The following HSPA12B variants were observed in gnomAD, a reference collection of about 807,000 sequenced individuals.
The protein encoded by HSPA12B is heat shock protein family A (Hsp70) member 12B.
HSPA12B carries 54 observed loss-of-function variants against 69.3 expected under a neutral mutation model. The ratio of observed to expected loss-of-function variants is 0.78; its 90% CI spans 0.63 to 0.98. The LOEUF (loss-of-function observed/expected upper bound fraction) is 0.98. HSPA12B is among the 50% of genes least tolerant of loss of function. The pLI is 0.00. For missense variants in HSPA12B, 929 were observed against 999.8 expected (o/e 0.93, Z 0.96); for synonymous variants, 441 against 436.5 (o/e 1.01, Z -0.13).
Position 3,752,232 on chromosome 20 carries a change from G to T in HSPA12B, c.*66G>T. ...GCCCTCTTTCGGTTCAGGGGCCTGC[G>T]GAGCGGGTTGGGGCGGGGGAAACGA... On this transcript the variant is annotated 3_prime_UTR_variant, in exon 13 of 13. Transcript: ENST00000254963. 7.3e-7 allele frequency: 1 copy of T among 1,369,124 alleles called. No individual in the cohort carries two copies. Among genetic ancestry groups the T allele is most frequent in the Middle Eastern group, 2.2e-4 (1 of 4,564 alleles). The allele number at this position is 1,369,124 out of a possible 1,614,324, so 84.8% of individuals were successfully genotyped here. A position where few individuals can be genotyped will look rare whatever the true frequency, so the allele number is the denominator to read the frequency against.
Position 3,749,950 on chromosome 20 carries a change from G to GC in HSPA12B, c.1043-14dup. ...CCCGGCGAGCGCTGACGCCCTCTTC[G>GC]CCCCCTGCTCCACCCCAGGGGGCCC... On this transcript the variant is annotated intron_variant, in intron 10 of 12. Transcript: ENST00000254963. The surrounding 1 kb of genome is among the most constrained non-coding windows in gnomAD (Gnocchi z 5.5). 1 of 1,549,968 alleles carries GC rather than the reference G, an allele frequency of 6.5e-7. No homozygotes were observed. Among genetic ancestry groups the GC allele is most frequent in the Non-Finnish European group, 8.7e-7 (1 of 1,144,800 alleles).
At chr20:3,739,171 G>A (rs1420046521) in intron 2 of HSPA12B, among the ~76,000 whole-genome samples, 1 of 151,984 alleles carries the variant, frequency 6.6e-6, no homozygotes, top group Non-Finnish European at 1.5e-5. Flanking sequence ...AGTATAGTCT[G>A]CAGGTGGGCA....
rs1228750144 is a variant in HSPA12B at position 3,737,191 on chromosome 20, G to A, written c.-17-1467G>A. 1.3e-5 allele frequency among the ~76,000 whole-genome samples: 2 copies of A among 152,234 alleles called. No homozygotes were observed. The highest frequency in any genetic ancestry group is 2.9e-5 in the Non-Finnish European group (2 of 68,046). ...CAAGCTTCCAGGTGATACCAATGCT[G>A]CTGATCCTCAGCCCACACTTTGAGT... On this transcript the variant is annotated intron_variant, in intron 1 of 12. Coordinates refer to ENST00000254963, the MANE Select transcript of HSPA12B (RefSeq NM_052970.5). The surrounding 1 kb of genome is among the most constrained non-coding windows in gnomAD (Gnocchi z 4.1).
Position 3,744,817 on chromosome 20 carries a change from T to C in HSPA12B, c.267-85T>C. 5.3e-6 allele frequency: 7 copies of C among 1,309,418 alleles called. No individual in the cohort carries two copies. The highest frequency in any genetic ancestry group is 7.5e-6 in the Non-Finnish European group (7 of 937,138). 81.1% of individuals were successfully genotyped at this position (1,309,418 alleles called of 1,614,324 possible). A position where few individuals can be genotyped will look rare whatever the true frequency, so the allele number is the denominator to read the frequency against. ...CTAGTTCTCCCTGCTCTTTCACATC[T>C]GTAAGTTTTTGCACATGCTGTTCCC... On this transcript the variant is annotated intron_variant, in intron 4 of 12. Transcript: ENST00000254963. This position sits in a 1 kb window ranked among gnomAD's most constrained non-coding sequence, Gnocchi z 4.9.
Position 3,745,864 on chromosome 20 carries a change from A to G in HSPA12B, c.559-51A>G. The G allele has an allele frequency of 2.0e-6, 3 of 1,492,664 alleles. No homozygotes were observed. The highest frequency in any genetic ancestry group is 2.8e-6 in the Non-Finnish European group (3 of 1,069,628). 92.5% of individuals were successfully genotyped at this position (1,492,664 alleles called of 1,614,324 possible). A position where few individuals can be genotyped will look rare whatever the true frequency, so the allele number is the denominator to read the frequency against. On this transcript the variant is annotated intron_variant, in intron 6 of 12. Coordinates refer to ENST00000254963, the MANE Select transcript of HSPA12B (RefSeq NM_052970.5). This position sits in a 1 kb window ranked among gnomAD's most constrained non-coding sequence, Gnocchi z 5.6. ...CCTCCAGTTCCGCAGAGGGCTGAAG[A>G]CCACCCTCCCTCCAAGCCAGCTTTC...
At chr20:3,743,288 A>G (rs2146570133) in intron 4 of HSPA12B, among the ~76,000 whole-genome samples, 1 of 151,086 alleles carries the variant, frequency 6.6e-6, no homozygotes, top group East Asian at 2.0e-4. Context: ...GGCTCAAGCA[A>G]TCCTCCCACT....
In HSPA12B at chr20:3,750,795, C is replaced by T; in HGVS notation, c.1302-9C>T. The T allele has an allele frequency of 6.2e-7, 1 of 1,613,752 alleles. No individual in the cohort carries two copies. The highest frequency in any genetic ancestry group is 8.5e-7 in the Non-Finnish European group (1 of 1,179,966). On this transcript the variant is annotated splice_polypyrimidine_tract_variant and intron_variant, in intron 11 of 12. Transcript: ENST00000254963. ...ACCGATGGATATTTGCCCCTTTCACCACCAACAGCGTGAACTTCGTGAAGT... is the reference window on the plus strand; with the variant it reads ...ACCGATGGATATTTGCCCCTTTCACTACCAACAGCGTGAACTTCGTGAAGT...
Position 3,744,794 on chromosome 20 carries a change from A to G in HSPA12B, c.267-108A>G. On this transcript the variant is annotated intron_variant, in intron 4 of 12. Coordinates refer to ENST00000254963, the MANE Select transcript of HSPA12B (RefSeq NM_052970.5). This position sits in a 1 kb window ranked among gnomAD's most constrained non-coding sequence, Gnocchi z 4.9. Reference sequence around the variant, plus strand: ...CTGCCTATGGAGCCGACCCATAGCTAGTTCTCCCTGCTCTTTCACATCTGT... The same window carrying G: ...CTGCCTATGGAGCCGACCCATAGCTGGTTCTCCCTGCTCTTTCACATCTGT... 9.9e-7 allele frequency: 1 copy of G among 1,007,916 alleles called. No homozygotes were observed. The highest frequency in any genetic ancestry group is 2.4e-5 in the East Asian group (1 of 41,174). The allele number at this position is 1,007,916 out of a possible 1,614,324, so 62.4% of individuals were successfully genotyped here. A position where few individuals can be genotyped will look rare whatever the true frequency, so the allele number is the denominator to read the frequency against.
intron 1 of HSPA12B, among the ~76,000 whole-genome samples, chr20:3,735,190 G>A (rs774839789): frequency 2.6e-4 from 39 of 152,164 alleles, no homozygotes; most frequent in Non-Finnish European, 5.1e-4. Flanking sequence ...CCAACTCCCT[G>A]CTTTTATCAA....
At chr20:3,738,875 G>C (rs566954360) in intron 2 of HSPA12B, among the ~76,000 whole-genome samples, 158 bp downstream of exon 2, 2 of 152,264 alleles carry the variant, frequency 1.3e-5, no homozygotes, top group East Asian at 3.9e-4. Context: ...TGCAGGGCAG[G>C]TCTGTGTTTA....
In HSPA12B at chr20:3,745,896, C is replaced by T. The variant is rs1484410483; in HGVS notation, c.559-19C>T. On this transcript the variant is annotated intron_variant, in intron 6 of 12. Transcript: ENST00000254963. The surrounding 1 kb of genome is among the most constrained non-coding windows in gnomAD (Gnocchi z 5.6). ...TCCCTCCAAGCCAGCTTTCCTCTCA[C>T]TGCCCCCTCCTGTACCAGGAGCTGA... is the stretch of plus-strand genomic sequence containing the variant. The T allele has an allele frequency of 2.5e-6, 4 of 1,607,398 alleles. No homozygotes were observed. Among genetic ancestry groups the T allele is most frequent in the African/African-American group, 2.7e-5 (2 of 74,820 alleles).
At chr20:3,750,998 A>ACATC (rs1219949132) in intron 12 of HSPA12B, 91 bp downstream of exon 12, 1 of 1,057,844 alleles carries the variant, frequency 9.5e-7, no homozygotes, top group African/African-American at 1.6e-5. Flanking sequence ...ATACCTCCAC[A>ACATC]CATCCATACA....
Position 3,738,699 on chromosome 20 carries a change from C to G in HSPA12B, c.25C>G (p.Leu9Val). The change falls in exon 2 of 13, where the codon CTG becomes GTG. Residue 9 changes from leucine (L) to valine (V), a missense_variant. Coordinates refer to ENST00000254963, the MANE Select transcript of HSPA12B (RefSeq NM_052970.5). ...GATGTTGGCTGTCCCGGAGATGGGC[C>G]TGCAGGGGCTGTACATCGGTAAGAA... MLAVPEMG[L>V]QGLYIGSSPE... The G allele has an allele frequency of 6.2e-7, 1 of 1,614,178 alleles. No homozygotes were observed. The highest frequency in any genetic ancestry group is 8.5e-7 in the Non-Finnish European group (1 of 1,180,030).
At position 3,750,819 on chromosome 20, in the gene HSPA12B, G is replaced by C. The variant is rs138277711; in HGVS notation, c.1317G>C (p.Lys439Asn). The part of the protein sequence containing the change: ...ALRRSSVNFV[K>N]WSSQGMLRMS... ...CCACCAACAGCGTGAACTTCGTGAA[G>C]TGGTCCTCACAGGGGATGCTCCGAA... Residue 439 changes from lysine to asparagine, a missense_variant, in exon 12 of 13, where the codon AAG becomes AAC. This residue lies in a region of HSPA12B where 448 missense variants were observed against 448.1 expected (regional missense o/e 1.00). Coordinates refer to ENST00000254963, the MANE Select transcript of HSPA12B (RefSeq NM_052970.5). 2.8e-5 allele frequency: 45 copies of C among 1,613,812 alleles called. No individual in the cohort carries two copies. The highest frequency in any genetic ancestry group is 3.6e-5 in the Non-Finnish European group (42 of 1,180,044).
chr20:3,749,377 TG>T lies in HSPA12B; in HGVS notation c.937+65del, dbSNP rs1383193851. The T allele has an allele frequency of 2.1e-6, 3 of 1,446,954 alleles. No homozygotes were observed. The highest frequency in any genetic ancestry group is 1.4e-5 in the African/African-American group (1 of 71,506). 89.6% of individuals were successfully genotyped at this position (1,446,954 alleles called of 1,614,324 possible). A position where few individuals can be genotyped will look rare whatever the true frequency, so the allele number is the denominator to read the frequency against. ...GCCCCTACCGGGCACCATATACTGA[TG>T]GGGGGAAGGGCATGTTTGCAAAGCC... On this transcript the variant is annotated intron_variant, in intron 9 of 12. Coordinates refer to ENST00000254963, the MANE Select transcript of HSPA12B (RefSeq NM_052970.5). The surrounding 1 kb of genome is among the most constrained non-coding windows in gnomAD (Gnocchi z 5.5).
At chr20:3,741,329 A>T (rs1176125924) in intron 3 of HSPA12B, among the ~76,000 whole-genome samples, 1 of 148,190 alleles carries the variant, frequency 6.7e-6, no homozygotes, top group South Asian at 2.1e-4. Flanking sequence ...AAAAAAAAAT[A>T]GTCTGGAAAC....
chr20:3,739,766 C>T (rs2088167297), intron 2 of HSPA12B, among the ~76,000 whole-genome samples: 1 of 152,182 alleles, frequency 6.6e-6, no homozygotes, highest in Non-Finnish European at 1.5e-5. Flanking sequence ...ACCTGCCTGG[C>T]AGCACGTGAC....
chr20:3,748,968 C>T (rs1428029737), intron 8 of HSPA12B, among the ~76,000 whole-genome samples: 4 of 152,206 alleles, frequency 2.6e-5, no homozygotes, highest in Non-Finnish European at 2.9e-5. Context: ...CTCCAAACCC[C>T]TCTAACCCTG....
Position 3,751,718 on chromosome 20 carries a change from G to A in HSPA12B, c.1613G>A (p.Arg538His), listed in dbSNP as rs976380971. 1 of 1,486,438 alleles carries A rather than the reference G, an allele frequency of 6.7e-7. No individual in the cohort carries two copies. Among genetic ancestry groups the A allele is most frequent in the Non-Finnish European group, 8.9e-7 (1 of 1,122,004 alleles). The allele number at this position is 1,486,438 out of a possible 1,614,324, so 92.1% of individuals were successfully genotyped here. A position where few individuals can be genotyped will look rare whatever the true frequency, so the allele number is the denominator to read the frequency against. ...GQAPGVVRVR[R>H]SPLTYGVGVL... ...GCGCCGGGCGTGGTGCGGGTCCGCC[G>A]CTCGCCGCTCACCTATGGCGTGGGC... Residue 538 changes from arginine to histidine, a missense_variant, in exon 13 of 13, where the codon CGC becomes CAC. Arg to His is a conservative substitution (Grantham distance 29). Around this residue, in one of 3 missense-constraint regions of HSPA12B, gnomAD observed 448 missense variants for 448.1 expected, o/e 1.00. Transcript: ENST00000254963.
Sources: gnomAD v4.1 joint callset for allele counts (sites outside exome capture counted in the v4.1 genomes callset) on GRCh38, gnomAD v4.1.1 for gene constraint, gnomAD v4.1.1 regional missense constraint, Gnocchi (gnomAD v3.1) non-coding constraint, MANE v1.5 for transcripts, NCBI Gene and HGNC (gene_info 2026-07-23, HGNC 2026-07-21) for gene names.